The following TRABD2B variants were observed in gnomAD, a reference collection of about 807,000 sequenced individuals.
TRABD2B encodes metalloprotease TIKI2.
TRABD2B carries 14 observed loss-of-function variants against 40.1 expected under a neutral mutation model. The observed-to-expected ratio is 0.35, with a 90% CI of 0.23 to 0.55. TRABD2B has a LOEUF of 0.55. Ranked by LOEUF, TRABD2B falls within the 20% of genes least tolerant of loss-of-function variation. TRABD2B has a pLI of 0.90. For missense variants in TRABD2B, 541 were observed against 648.6 expected, an observed-to-expected ratio of 0.83 and a Z score of 1.80; for synonymous variants, 263 against 277.0, an observed-to-expected ratio of 0.95 and a Z score of 0.50.
intron 2 of TRABD2B, among the ~76,000 whole-genome samples, chr1:47,810,301 C>A (rs1444287742): frequency 2.6e-5 from 4 of 152,110 alleles, no homozygotes; most frequent in Admixed American, 2.0e-4. Flanking sequence ...GCCTCCTGGA[C>A]TCAAGTGATC....
At chr1:47,881,566 C>G (rs910436900) in intron 2 of TRABD2B, among the ~76,000 whole-genome samples, 3 of 152,106 alleles carry the variant, frequency 2.0e-5, no homozygotes, top group African/African-American at 7.2e-5. Context: ...AGAAACAAAC[C>G]CAAAGGCACA....
chr1:47,801,465 A>T lies in TRABD2B; in HGVS notation c.813+8T>A. ...CCAGGTATCCAGGTCTTTGGAGAGG[A>T]GCCTCACCTGGGATGTGTCGTGGTT... On this transcript the variant is annotated splice_region_variant and intron_variant, in intron 3 of 6. Coordinates refer to ENST00000606738, the MANE Select transcript of TRABD2B (RefSeq NM_001194986.2). The T allele has an allele frequency of 6.5e-7, 1 of 1,535,336 alleles. No individual in the cohort carries two copies. Among genetic ancestry groups the T allele is most frequent in the Non-Finnish European group, 8.7e-7 (1 of 1,146,336 alleles).
intron 2 of TRABD2B, among the ~76,000 whole-genome samples, chr1:47,956,354 G>T (rs1645421784): frequency 6.6e-6 from 1 of 152,206 alleles, no homozygotes; most frequent in Admixed American, 6.5e-5. Context: ...TCTCACTGGG[G>T]CTTGTCGGAC....
At chr1:47,956,367 T>C (rs535912921) in intron 2 of TRABD2B, among the ~76,000 whole-genome samples, 1 of 152,174 alleles carries the variant, frequency 6.6e-6, no homozygotes, top group South Asian at 2.1e-4. Context: ...TGTCGGACAG[T>C]GGGTGCAGCC....
At chr1:47,940,961 C>G (rs1007522624) in intron 2 of TRABD2B, among the ~76,000 whole-genome samples, 12 of 152,194 alleles carry the variant, frequency 7.9e-5, no homozygotes, top group African/African-American at 2.7e-4. Context: ...CCCAGAAGAG[C>G]AGTAGGGCCA....
chr1:47,889,438 G>A (rs1331643490), intron 2 of TRABD2B, among the ~76,000 whole-genome samples: 2 of 152,226 alleles, frequency 1.3e-5, no homozygotes, highest in Non-Finnish European at 1.5e-5. Context: ...GGCTTGTCAT[G>A]TCACATTGTT....
At chr1:47,946,341 T>C (rs1645259731) in intron 2 of TRABD2B, among the ~76,000 whole-genome samples, 2 of 152,330 alleles carry the variant, frequency 1.3e-5, no homozygotes, top group African/African-American at 4.8e-5. Flanking sequence ...GAAAGTATTT[T>C]ATTTTCACCA....
intron 2 of TRABD2B, among the ~76,000 whole-genome samples, chr1:47,804,917 G>C (rs925972043): frequency 6.6e-6 from 1 of 152,238 alleles, no homozygotes; most frequent in Non-Finnish European, 1.5e-5. Flanking sequence ...ATGTAAGGGA[G>C]GCAGGCGGGC....
chr1:47,907,454 G>C (rs1190700786), intron 2 of TRABD2B, among the ~76,000 whole-genome samples: 1 of 152,128 alleles, frequency 6.6e-6, no homozygotes, highest in East Asian at 1.9e-4. Flanking sequence ...CACCTACCAG[G>C]TACCTTTCAT....
chr1:47,972,898 G>T (rs370947417), intron 2 of TRABD2B, among the ~76,000 whole-genome samples: 1 of 152,058 alleles, frequency 6.6e-6, no homozygotes, highest in East Asian at 1.9e-4. Flanking sequence ...AGTAAATGAG[G>T]CATCTCTAAG....
At chr1:47,947,723 G>A (rs891302302) in intron 2 of TRABD2B, among the ~76,000 whole-genome samples, 1 of 152,162 alleles carries the variant, frequency 6.6e-6, no homozygotes, top group African/African-American at 2.4e-5. Flanking sequence ...GTGTCATGAC[G>A]CTGATGCTGA....
Position 47,838,051 on chromosome 1 carries a change from G to A in TRABD2B, c.667-36432C>T, listed in dbSNP as rs908759091. On this transcript the variant is annotated intron_variant, in intron 2 of 6. Transcript: ENST00000606738. Reference sequence around the variant, plus strand: ...GCTGGACACCTGCCCTGGGCAGGCCGGCACAGCCCTGCCTTTGTGTAATTT... The same window carrying A: ...GCTGGACACCTGCCCTGGGCAGGCCAGCACAGCCCTGCCTTTGTGTAATTT... Among the ~76,000 whole-genome samples the A allele has an allele frequency of 5.9e-5, 9 of 152,200 alleles. No individual in the cohort carries two copies. In the South Asian group the frequency reaches 8.3e-4, roughly 14 times the overall value.
chr1:47,803,430 G>C (rs1316095601), intron 2 of TRABD2B, among the ~76,000 whole-genome samples: 3 of 152,196 alleles, frequency 2.0e-5, no homozygotes, highest in Non-Finnish European at 2.9e-5. Flanking sequence ...ATCCAGGCTA[G>C]ACTGCTGGAT....
chr1:47,928,518 A>T (rs1644998934), intron 2 of TRABD2B, among the ~76,000 whole-genome samples: 1 of 152,254 alleles, frequency 6.6e-6, no homozygotes, highest in African/African-American at 2.4e-5. Flanking sequence ...ATTGGGCCCA[A>T]GAATCTGTGA....
chr1:47,989,719 C>T (rs772867028), intron 2 of TRABD2B, among the ~76,000 whole-genome samples: 89 of 151,716 alleles, frequency 5.9e-4, no homozygotes, highest in Non-Finnish European at 4.7e-4. Context: ...CTCTCTTTTT[C>T]GGCAAGAAAT....
intron 2 of TRABD2B, among the ~76,000 whole-genome samples, chr1:47,888,201 T>C (rs1644396471): frequency 6.6e-6 from 1 of 152,222 alleles, no homozygotes; most frequent in South Asian, 2.1e-4. Context: ...GGTTAAAATC[T>C]TTAGCCTGAC....
At chr1:47,783,442 C>T (rs1487205621) in intron 4 of TRABD2B, among the ~76,000 whole-genome samples, 1 of 152,098 alleles carries the variant, frequency 6.6e-6, no homozygotes, top group East Asian at 1.9e-4. Flanking sequence ...AGAGGAGGGG[C>T]TCATGTATCC....
chr1:47,940,008 C>T (rs893615082), intron 2 of TRABD2B, among the ~76,000 whole-genome samples: 9 of 152,340 alleles, frequency 5.9e-5, no homozygotes, highest in South Asian at 2.1e-4. Flanking sequence ...AGGCCCTTCA[C>T]GATCTGGCTC....
chr1:47,829,948 C>A (rs1459276723), intron 2 of TRABD2B, among the ~76,000 whole-genome samples: 2 of 152,120 alleles, frequency 1.3e-5, no homozygotes, highest in Admixed American at 1.3e-4. Flanking sequence ...TGTGTCAGGC[C>A]TTCTCTGGTC....
Sources: allele counts gnomAD v4.1 joint callset (sites outside exome capture counted in the v4.1 genomes callset), GRCh38; gene constraint gnomAD v4.1.1; transcripts MANE v1.5; gene names NCBI Gene and HGNC (gene_info 2026-07-23, HGNC 2026-07-21).